KCNB2: variants seen among roughly 807,000 people sequenced by gnomAD.
The protein encoded by KCNB2 is delayed rectifier potassium channel protein.
KCNB2 carries 15 observed loss-of-function variants against 61.5 expected under a neutral mutation model. The observed-to-expected ratio is 0.24, with a 90% CI of 0.16 to 0.38. The LOEUF (loss-of-function observed/expected upper bound fraction) is 0.38. KCNB2 is among the 10% of genes least tolerant of loss of function. KCNB2 has a pLI of 1.00. For missense variants in KCNB2, 828 were observed against 1,125.2 expected (o/e 0.74, Z 3.78); for synonymous variants, 457 against 446.0 (o/e 1.02, Z -0.31).
intron 2 of KCNB2, among the ~76,000 whole-genome samples, chr8:72,720,720 G>GTGAATGAACATA (rs1807534749): frequency 6.6e-6 from 1 of 152,192 alleles, no homozygotes; most frequent in Non-Finnish European, 1.5e-5. Flanking sequence ...AGTTGAATGA[G>GTGAATGAACATA]TGAATGAACA....
intron 1 of KCNB2, among the ~76,000 whole-genome samples, chr8:72,548,218 G>A (rs1806289358): frequency 6.6e-6 from 1 of 152,136 alleles, no homozygotes; most frequent in South Asian, 2.1e-4. Context: ...CCTTATTGAG[G>A]TATTTGCTTT....
chr8:72,596,762 G>C (rs1248529408), intron 2 of KCNB2, among the ~76,000 whole-genome samples: 1 of 152,080 alleles, frequency 6.6e-6, no homozygotes, highest in Non-Finnish European at 1.5e-5. Flanking sequence ...CTTATTTTCT[G>C]TGATGGGCTA....
At chr8:72,590,107 G>A (rs1456903698) in intron 2 of KCNB2, among the ~76,000 whole-genome samples, 1 of 152,030 alleles carries the variant, frequency 6.6e-6, no homozygotes, top group African/African-American at 2.4e-5. Context: ...CAGAATTCCT[G>A]GGTTCAACTC....
chr8:72,591,507 T>C (rs1259560146), intron 2 of KCNB2, among the ~76,000 whole-genome samples: 5 of 152,166 alleles, frequency 3.3e-5, no homozygotes, highest in Non-Finnish European at 5.9e-5. Context: ...AATTTTATTC[T>C]AGTAATCCTA....
intron 2 of KCNB2, chr8:72,661,572 G>GTGTT (rs1231301572): frequency 8.5e-5 from 13 of 152,192 alleles, no homozygotes; most frequent in Non-Finnish European, 1.3e-4. Context: ...TCTGTTTAAT[G>GTGTT]TGTTTGTTTC....
At chr8:72,742,846 ATTC>A in intron 2 of KCNB2, among the ~76,000 whole-genome samples, 1 of 152,296 alleles carries the variant, frequency 6.6e-6, no homozygotes. Context: ...CTGACGATAA[ATTC>A]TTCTTTCAGA....
intron 2 of KCNB2, among the ~76,000 whole-genome samples, chr8:72,815,392 A>C (rs1215412811): frequency 6.6e-6 from 1 of 152,152 alleles, no homozygotes; most frequent in Non-Finnish European, 1.5e-5. Flanking sequence ...CTTAAGTATA[A>C]ATTTTTAAAT....
chr8:72,808,444 A>G (rs1052524569), intron 2 of KCNB2, among the ~76,000 whole-genome samples: 4 of 152,200 alleles, frequency 2.6e-5, no homozygotes, highest in African/African-American at 4.8e-5. Context: ...TGCCTGGCAT[A>G]TAATGGACAA....
intron 2 of KCNB2, among the ~76,000 whole-genome samples, chr8:72,725,525 A>ATG (rs1563571806): frequency 1.5e-4 from 8 of 54,040 alleles, no homozygotes; most frequent in African/African-American, 4.3e-4. Context: ...ATATATATAT[A>ATG]TATATATATA....
intron 1 of KCNB2, among the ~76,000 whole-genome samples, chr8:72,547,966 G>C (rs1249691738): frequency 6.6e-6 from 1 of 152,036 alleles, no homozygotes; most frequent in Admixed American, 6.6e-5. Flanking sequence ...AATTGCCACA[G>C]CCACCCAAAT....
intron 2 of KCNB2, among the ~76,000 whole-genome samples, chr8:72,588,144 T>C (rs893976306): frequency 2.0e-5 from 3 of 152,094 alleles, no homozygotes; most frequent in African/African-American, 7.2e-5. Context: ...CAGTGGCACA[T>C]TTTAGAGTTT....
intron 2 of KCNB2, among the ~76,000 whole-genome samples, chr8:72,780,812 T>C (rs144643195): frequency 0.018 from 2,711 of 152,334 alleles, 73 homozygotes; most frequent in African/African-American, 0.061. Flanking sequence ...TCTTCCACAA[T>C]GGTTGAACTA....
intron 2 of KCNB2, among the ~76,000 whole-genome samples, chr8:72,884,231 C>G: frequency 6.6e-6 from 1 of 152,110 alleles, no homozygotes; most frequent in Non-Finnish European, 1.5e-5. Flanking sequence ...CATAGATTGT[C>G]TATTCCTTTA....
intron 2 of KCNB2, among the ~76,000 whole-genome samples, chr8:72,582,810 G>A (rs1245359985): frequency 6.6e-6 from 1 of 151,902 alleles, no homozygotes; most frequent in Non-Finnish European, 1.5e-5. Flanking sequence ...TTGTAGAGAC[G>A]AGGTCTTGGG....
chr8:72,891,605 C>T (rs1805897197), intron 2 of KCNB2, among the ~76,000 whole-genome samples: 1 of 152,200 alleles, frequency 6.6e-6, no homozygotes, highest in Non-Finnish European at 1.5e-5. Context: ...CATTTTGGCA[C>T]TTAAGTACAA....
At chr8:72,667,234 A>G (rs973742078) in intron 2 of KCNB2, among the ~76,000 whole-genome samples, 1 of 152,082 alleles carries the variant, frequency 6.6e-6, no homozygotes, top group Non-Finnish European at 1.5e-5. Context: ...CTGCCTCTTT[A>G]TTCTCTTCCT....
chr8:72,648,563 C>A (rs1806166536), intron 2 of KCNB2, among the ~76,000 whole-genome samples: 1 of 133,614 alleles, frequency 7.5e-6, no homozygotes. Flanking sequence ...CATTAGCCAC[C>A]ACACCTGGCT....
intron 2 of KCNB2, among the ~76,000 whole-genome samples, chr8:72,795,359 G>A (rs1355836973): frequency 6.6e-6 from 1 of 152,164 alleles, no homozygotes; most frequent in African/African-American, 2.4e-5. Context: ...GACCTATTCT[G>A]GGACTAGGGG....
intron 2 of KCNB2, among the ~76,000 whole-genome samples, chr8:72,793,331 A>AG (rs1279948686): frequency 6.6e-6 from 1 of 152,204 alleles, no homozygotes; most frequent in Admixed American, 6.5e-5. Flanking sequence ...CTTGAGATTT[A>AG]GTGATTAGGG....
Sources: gnomAD v4.1 joint callset for allele counts (sites outside exome capture counted in the v4.1 genomes callset) on GRCh38, gnomAD v4.1.1 for gene constraint, MANE v1.5 for transcripts, NCBI Gene and HGNC (gene_info 2026-07-23, HGNC 2026-07-21) for gene names.